The following PCDHGA9 variants were observed in gnomAD, a reference collection of about 807,000 sequenced individuals.
PCDHGA9 encodes the protein protocadherin gamma subfamily A, 9.
PCDHGA9 carries 37 observed loss-of-function variants against 62.5 expected under a neutral mutation model. That is an observed-to-expected ratio of 0.59 (90% CI 0.46 to 0.78). The LOEUF (loss-of-function observed/expected upper bound fraction) is 0.78, where lower values mean the gene tolerates loss of function less well. PCDHGA9 is among the 30% of genes least tolerant of loss of function. The pLI, the probability that PCDHGA9 is intolerant of heterozygous loss-of-function variation, is 0.00. For synonymous variants in PCDHGA9, 459 were observed against 484.6 expected, an observed-to-expected ratio of 0.95 and a Z score of 0.69; for missense variants, 1,138 against 1,166.2, an observed-to-expected ratio of 0.98 and a Z score of 0.35.
In PCDHGA9 at chr5:141,431,211, G is replaced by A. The variant is rs1054638121; in HGVS notation, c.2424+25835G>A. The A allele has an allele frequency of 6.2e-7, 1 of 1,614,004 alleles. No individual in the cohort carries two copies. The highest frequency in any genetic ancestry group is 1.7e-5 in the Admixed American group (1 of 60,006). ...AGTGAAAATGCAGCCACTGAGATGC[G>A]GTTCCCTCTACCCCACGCCTGGGAT... On this transcript the variant is annotated intron_variant, in intron 1 of 3. Coordinates refer to ENST00000573521, the MANE Select transcript of PCDHGA9 (RefSeq NM_018921.3). This position sits in a 1 kb window ranked among gnomAD's most constrained non-coding sequence, Gnocchi z 4.8.
intron 1 of PCDHGA9, among the ~76,000 whole-genome samples, chr5:141,405,770 G>C (rs989163026): frequency 1.3e-5 from 2 of 152,032 alleles, no homozygotes; most frequent in East Asian, 3.9e-4. Context: ...GAGCCACTGC[G>C]CCTGGCCCTT....
chr5:141,432,960 G>C lies in PCDHGA9; in HGVS notation c.2424+27584G>C. ...CAGGCTTCAGGAGGCGGCTTGACAG[G>C]AGCGCCGGCGTCGCACTTTGTGGGC... On this transcript the variant is annotated intron_variant, in intron 1 of 3. Transcript: ENST00000573521. This position sits in a 1 kb window ranked among gnomAD's most constrained non-coding sequence, Gnocchi z 6.0. The C allele has an allele frequency of 2.5e-6, 4 of 1,614,188 alleles. No homozygotes were observed. The highest frequency in any genetic ancestry group is 3.4e-6 in the Non-Finnish European group (4 of 1,180,034).
chr5:141,474,819 G>A (rs1180279468), intron 1 of PCDHGA9, among the ~76,000 whole-genome samples: 1 of 152,190 alleles, frequency 6.6e-6, no homozygotes, highest in Non-Finnish European at 1.5e-5. Flanking sequence ...CATTAATTGA[G>A]GCTTACTCTG....
chr5:141,455,876 TTTA>T (rs1271603055), intron 1 of PCDHGA9, among the ~76,000 whole-genome samples: 2 of 146,624 alleles, frequency 1.4e-5, no homozygotes, highest in Non-Finnish European at 1.5e-5. Context: ...TATTTATTTA[TTTA>T]TTTATTTATT....
chr5:141,410,640 G>A (rs747132686), intron 1 of PCDHGA9: 1 of 1,599,056 alleles, frequency 6.3e-7, no homozygotes, highest in Non-Finnish European at 8.5e-7. Flanking sequence ...TCTTTTTTGT[G>A]TGTGATTTAT....
chr5:141,459,580 G>C (rs1364413383), intron 1 of PCDHGA9, among the ~76,000 whole-genome samples: 1 of 152,118 alleles, frequency 6.6e-6, no homozygotes, highest in Non-Finnish European at 1.5e-5. Flanking sequence ...GAATTGTTTT[G>C]GGGGTCATAT....
intron 1 of PCDHGA9, 102 bp from the exon 2 acceptor site, chr5:141,494,705 G>A (rs2099756254): frequency 1.3e-6 from 2 of 1,597,990 alleles, no homozygotes; most frequent in East Asian, 2.2e-5. Context: ...TTTCTTCTCT[G>A]TGCCCACTCC....
At position 141,487,681 on chromosome 5, in the gene PCDHGA9, T is replaced by C. The variant is rs754032560; in HGVS notation, c.2425-7126T>C. The stretch of plus-strand genomic sequence containing the variant: ...CTGATCCAGGCATATGGCTAGGCCA[T>C]GTCCTAGAGAGTACTGGCCTCTCAG... On this transcript the variant is annotated intron_variant, in intron 1 of 3. Coordinates refer to ENST00000573521, the MANE Select transcript of PCDHGA9 (RefSeq NM_018921.3). The surrounding 1 kb of genome is among the most constrained non-coding windows in gnomAD (Gnocchi z 5.0). 1.1e-5 allele frequency: 18 copies of C among 1,608,852 alleles called. No individual in the cohort carries two copies. The highest frequency in any genetic ancestry group is 4.5e-5 in the East Asian group (2 of 44,816).
intron 1 of PCDHGA9, chr5:141,430,789 C>A (rs2097310124): frequency 6.6e-7 from 1 of 1,515,808 alleles, no homozygotes; most frequent in Non-Finnish European, 8.8e-7. Context: ...ACCGGGACTA[C>A]AAAGGGCTTG....
chr5:141,473,116 G>A (rs966472502), intron 1 of PCDHGA9, among the ~76,000 whole-genome samples: 19 of 152,114 alleles, frequency 1.2e-4, no homozygotes, highest in African/African-American at 4.6e-4. Context: ...ACTTTACTTG[G>A]CTCTTTGGCA....
At chr5:141,435,719 C>T (rs890713374) in intron 1 of PCDHGA9, among the ~76,000 whole-genome samples, 6 of 152,156 alleles carry the variant, frequency 3.9e-5, no homozygotes, top group Admixed American at 3.3e-4. Context: ...ACACTGAATG[C>T]TAAAGTGTAT....
chr5:141,413,548 A>G, intron 1 of PCDHGA9: 1 of 1,613,946 alleles, frequency 6.2e-7, no homozygotes, highest in Non-Finnish European at 8.5e-7. Context: ...TGGGATAGAA[A>G]TAGAAGTAAC....
chr5:141,414,592 G>T, intron 1 of PCDHGA9: 1 of 1,613,920 alleles, frequency 6.2e-7, no homozygotes, highest in Non-Finnish European at 8.5e-7. Flanking sequence ...CGCCAGGGGT[G>T]CCTCCATCTT....
At position 141,415,520 on chromosome 5, in the gene PCDHGA9, C is replaced by A. The variant is rs200535016; in HGVS notation, c.2424+10144C>A. The A allele has an allele frequency of 1.8e-4, 288 of 1,614,072 alleles. 3 individuals carry two copies. The highest frequency in any genetic ancestry group is 6.7e-5 in the Non-Finnish European group (79 of 1,180,044). On this transcript the variant is annotated intron_variant, in intron 1 of 3. Coordinates refer to ENST00000573521, the MANE Select transcript of PCDHGA9 (RefSeq NM_018921.3). Reference sequence around the variant, plus strand: ...TTCCCCCAGCCCAATTATGCGGACACGCTCATCAGCCAGGAGAGCTGTGAG... The same window carrying A: ...TTCCCCCAGCCCAATTATGCGGACAAGCTCATCAGCCAGGAGAGCTGTGAG...
intron 1 of PCDHGA9, among the ~76,000 whole-genome samples, chr5:141,438,587 C>CAT (rs1372372472): frequency 1.4e-4 from 10 of 73,396 alleles, no homozygotes; most frequent in East Asian, 3.8e-4. Context: ...TACATACATA[C>CAT]ATACATATAT....
Position 141,432,562 on chromosome 5 carries a change from C to G in PCDHGA9, c.2424+27186C>G. On this transcript the variant is annotated intron_variant, in intron 1 of 3. Coordinates refer to ENST00000573521, the MANE Select transcript of PCDHGA9 (RefSeq NM_018921.3). The surrounding 1 kb of genome is among the most constrained non-coding windows in gnomAD (Gnocchi z 6.0). ...CGGTGGACAGAGACTCCGGCCAGAA[C>G]GCCTGGCTGTCCTACCGTCTGCTCA... 1 of 1,613,964 alleles carries G rather than the reference C, an allele frequency of 6.2e-7. No homozygotes were observed. Among genetic ancestry groups the G allele is most frequent in the Non-Finnish European group, 8.5e-7 (1 of 1,180,004 alleles).
intron 1 of PCDHGA9, chr5:141,408,896 GT>G: frequency 6.2e-7 from 1 of 1,613,328 alleles, no homozygotes; most frequent in Non-Finnish European, 8.5e-7. Context: ...AGAAATTTCT[GT>G]CAAGGATACC....
intron 1 of PCDHGA9, chr5:141,422,541 T>G: frequency 6.2e-7 from 1 of 1,613,992 alleles, no homozygotes; most frequent in Non-Finnish European, 8.5e-7. Context: ...CAGAAACTCA[T>G]GTCTGGCTGA....
intron 1 of PCDHGA9, among the ~76,000 whole-genome samples, chr5:141,436,469 G>A (rs376024456): frequency 6.6e-6 from 1 of 152,304 alleles, no homozygotes; most frequent in East Asian, 1.9e-4. Flanking sequence ...ATTTTCAGAT[G>A]TATCATAGAA....
Sources: allele counts gnomAD v4.1 joint callset (sites outside exome capture counted in the v4.1 genomes callset), GRCh38; gene constraint gnomAD v4.1.1; non-coding constraint Gnocchi (gnomAD v3.1); transcripts MANE v1.5; gene names NCBI Gene and HGNC (gene_info 2026-07-23, HGNC 2026-07-21).